The following OXR1 variants were observed in gnomAD, a reference collection of about 807,000 sequenced individuals.
OXR1 encodes oxidation resistance 1, also known as oxidation resistance protein 1.
In OXR1, 41 loss-of-function variants were observed where a neutral mutation model predicts 104.6. The observed-to-expected ratio is 0.39, with a 90% CI of 0.31 to 0.51. OXR1 has a LOEUF of 0.51. Ranked by LOEUF, OXR1 falls within the 20% of genes least tolerant of loss-of-function variation. The pLI, the probability that OXR1 is intolerant of heterozygous loss-of-function variation, is 0.77. For synonymous variants in OXR1, 348 were observed against 348.4 expected, an observed-to-expected ratio of 1.00 and a Z score of 0.01; for missense variants, 955 against 1,031.9, an observed-to-expected ratio of 0.93 and a Z score of 1.02.
rs79572516 is a variant in OXR1 at position 106,371,563 on chromosome 8, C to T, written c.23+11927C>T. The stretch of plus-strand genomic sequence containing the variant: ...TAAGTTTTCCTTTTAACACTGCTTT[C>T]GCTATGTCCCAGAGATTCTGCTACG... On this transcript the variant is annotated intron_variant, in intron 2 of 16. Transcript: ENST00000517566. Among the ~76,000 whole-genome samples the T allele has an allele frequency of 3.1e-3, 465 of 152,244 alleles. 4 individuals are homozygous for T. Among genetic ancestry groups the T allele is most frequent in the African/African-American group, 9.8e-3 (408 of 41,554 alleles).
At chr8:106,286,530 G>A (rs1294578037) in intron 1 of OXR1, among the ~76,000 whole-genome samples, 1 of 152,074 alleles carries the variant, frequency 6.6e-6, no homozygotes, top group Non-Finnish European at 1.5e-5. Context: ...GTTTGTAAGT[G>A]AGACCAAAGA....
intron 3 of OXR1, among the ~76,000 whole-genome samples, chr8:106,524,115 T>C (rs761904451): frequency 6.6e-6 from 1 of 152,164 alleles, no homozygotes; most frequent in Non-Finnish European, 1.5e-5. Flanking sequence ...TTGTTTGTGT[T>C]ACATAAAACC....
rs1835011431 is a variant in OXR1, at chr8:106,742,557, G to T, written c.2412+240G>T. ...ACGTGACTTCAAAGTATACTACAAG[G>T]CTACAGTAACCAAAATAGCATGGTA... is the stretch of plus-strand genomic sequence containing the variant. On this transcript the variant is annotated intron_variant, in intron 15 of 16. Coordinates refer to ENST00000517566, the MANE Select transcript of OXR1 (RefSeq NM_001198533.2). The T allele has an allele frequency of 9.1e-6, 3 of 330,120 alleles. No individual in the cohort carries two copies. In the Admixed American group the frequency reaches 1.5e-4, roughly 16 times the overall value. 20.4% of individuals were successfully genotyped at this position (330,120 alleles called of 1,614,324 possible).
At chr8:106,488,858 G>A (rs533314878) in intron 2 of OXR1, among the ~76,000 whole-genome samples, 19 of 150,874 alleles carry the variant, frequency 1.3e-4, no homozygotes, top group Middle Eastern at 6.8e-3. Context: ...CAGGTAGTGT[G>A]ATACCTCCAG....
chr8:106,419,903 A>G (rs896461682), intron 2 of OXR1, among the ~76,000 whole-genome samples: 4 of 152,160 alleles, frequency 2.6e-5, no homozygotes, highest in African/African-American at 7.2e-5. Flanking sequence ...CATCCTGGAT[A>G]AATGCATACA....
At chr8:106,543,666 G>T (rs537980033) in intron 3 of OXR1, among the ~76,000 whole-genome samples, 13 of 152,288 alleles carry the variant, frequency 8.5e-5, no homozygotes, top group South Asian at 6.2e-4. Flanking sequence ...CAAAGCTATG[G>T]AAAGGGCTGA....
intron 7 of OXR1, among the ~76,000 whole-genome samples, chr8:106,694,636 T>C (rs1424905201): frequency 3.9e-5 from 4 of 102,364 alleles, no homozygotes; most frequent in South Asian, 2.9e-4. Context: ...TATATAAATA[T>C]ATGTTTATAT....
intron 3 of OXR1, among the ~76,000 whole-genome samples, chr8:106,574,003 G>T (rs1391246567): frequency 1.3e-5 from 2 of 152,072 alleles, no homozygotes; most frequent in African/African-American, 4.8e-5. Flanking sequence ...CTCTGCACTC[G>T]CAAACTGCTA....
chr8:106,588,702 A>T (rs1218796430), intron 3 of OXR1, among the ~76,000 whole-genome samples: 1 of 151,422 alleles, frequency 6.6e-6, no homozygotes, highest in East Asian at 2.0e-4. Context: ...GCTGGTCTCA[A>T]ACTCCTGACT....
At chr8:106,731,343 A>G (rs1833875266) in intron 11 of OXR1, among the ~76,000 whole-genome samples, 1 of 152,168 alleles carries the variant, frequency 6.6e-6, no homozygotes, top group Non-Finnish European at 1.5e-5. Flanking sequence ...TATGTTGCAG[A>G]GATTTTCTAG....
intron 3 of OXR1, among the ~76,000 whole-genome samples, chr8:106,632,089 G>A (rs1822734367): frequency 6.6e-6 from 1 of 152,094 alleles, no homozygotes; most frequent in Non-Finnish European, 1.5e-5. Flanking sequence ...TATAGATTAG[G>A]AAGACAGAAA....
At chr8:106,649,920 C>T (rs186213208) in intron 3 of OXR1, among the ~76,000 whole-genome samples, 50 of 152,106 alleles carry the variant, frequency 3.3e-4, no homozygotes, top group African/African-American at 9.9e-4. Flanking sequence ...ATGGTCTCGA[C>T]CTCCTGACTT....
intron 3 of OXR1, chr8:106,581,011 G>C: frequency 1.0e-5 from 11 of 1,070,502 alleles, no homozygotes; most frequent in Non-Finnish European, 1.1e-5. Context: ...AGCACTAAAA[G>C]CTTCTTAAAA....
intron 1 of OXR1, among the ~76,000 whole-genome samples, chr8:106,334,666 C>T (rs983997216): frequency 2.6e-5 from 4 of 152,174 alleles, no homozygotes; most frequent in Non-Finnish European, 4.4e-5. Flanking sequence ...CTCATCAACT[C>T]ATCTAAACTA....
At chr8:106,505,247 C>A (rs946103588) in intron 2 of OXR1, among the ~76,000 whole-genome samples, 1 of 152,140 alleles carries the variant, frequency 6.6e-6, no homozygotes, top group African/African-American at 2.4e-5. Flanking sequence ...ACCACATGTC[C>A]TATAAGTCTT....
intron 1 of OXR1, among the ~76,000 whole-genome samples, chr8:106,323,425 G>T (rs895916757): frequency 6.6e-6 from 1 of 152,026 alleles, no homozygotes; most frequent in Non-Finnish European, 1.5e-5. Context: ...GACAAACTAG[G>T]CAATACCTCG....
At chr8:106,367,642 CTTAGA>C (rs1340683328) in intron 2 of OXR1, among the ~76,000 whole-genome samples, 1 of 151,692 alleles carries the variant, frequency 6.6e-6, no homozygotes, top group Non-Finnish European at 1.5e-5. Context: ...TCTCATGAAG[CTTAGA>C]TTAATTTTTA....
intron 3 of OXR1, among the ~76,000 whole-genome samples, chr8:106,631,747 G>A (rs1279407111): frequency 6.6e-6 from 1 of 152,058 alleles, no homozygotes; most frequent in African/African-American, 2.4e-5. Context: ...ATCATAATCA[G>A]CCTACTAAGA....
chr8:106,648,673 G>A (rs1249810201), intron 3 of OXR1, among the ~76,000 whole-genome samples: 5 of 152,196 alleles, frequency 3.3e-5, no homozygotes, highest in Non-Finnish European at 7.3e-5. Context: ...ACATATAGTA[G>A]TGCACAAGTT....
Sources: allele counts gnomAD v4.1 joint callset (sites outside exome capture counted in the v4.1 genomes callset), GRCh38; gene constraint gnomAD v4.1.1; transcripts MANE v1.5; gene names NCBI Gene and HGNC (gene_info 2026-07-23, HGNC 2026-07-21).